Variants in MGAT4C observed in about 807,000 individuals in gnomAD.
MGAT4C encodes the protein alpha-1,3-mannosyl-glycoprotein 4-beta-N-acetylglucosaminyltransferase C.
In MGAT4C, 19 loss-of-function variants were observed where a neutral mutation model predicts 40.1. The observed-to-expected ratio is 0.47, with a 90% confidence interval of 0.33 to 0.70. The LOEUF (loss-of-function observed/expected upper bound fraction) is 0.70. Ranked by LOEUF, MGAT4C falls within the 30% of genes least tolerant of loss-of-function variation. MGAT4C has a pLI of 0.02. For missense variants in MGAT4C, 491 were observed against 563.2 expected (o/e 0.87, Z 1.30); for synonymous variants, 181 against 187.1 (o/e 0.97, Z 0.27).
intron 1 of MGAT4C, among the ~76,000 whole-genome samples, chr12:86,187,569 C>A (rs2135889193): frequency 6.8e-6 from 1 of 147,910 alleles, no homozygotes; most frequent in Admixed American, 6.7e-5. Flanking sequence ...ATAAATCTTT[C>A]CTTTTAGATT....
chr12:86,539,384 A>G (rs1157687696), intron 2 of MGAT4C, among the ~76,000 whole-genome samples: 2 of 152,214 alleles, frequency 1.3e-5, no homozygotes, highest in East Asian at 1.9e-4. Flanking sequence ...ATAGTATTCC[A>G]TGGTGTACAT....
intron 1 of MGAT4C, among the ~76,000 whole-genome samples, chr12:86,834,171 G>GATAGATATAGAT (rs63091261): frequency 1.4e-5 from 2 of 147,194 alleles, no homozygotes; most frequent in Non-Finnish European, 3.0e-5. Flanking sequence ...GATAGAGATA[G>GATAGATATAGAT]ATAGATATAG....
intron 4 of MGAT4C, among the ~76,000 whole-genome samples, chr12:86,274,684 T>C (rs1953025999): frequency 2.6e-5 from 4 of 152,208 alleles, no homozygotes; most frequent in Non-Finnish European, 4.4e-5. Context: ...AAGTAGTATT[T>C]AATAGAAGAA....
chr12:86,701,786 T>G (rs1362223351), intron 2 of MGAT4C, among the ~76,000 whole-genome samples: 1 of 152,052 alleles, frequency 6.6e-6, no homozygotes, highest in African/African-American at 2.4e-5. Flanking sequence ...GTAAAACTTT[T>G]TGAAGGGAAT....
At chr12:86,144,212 G>A (rs546797215) in intron 1 of MGAT4C, among the ~76,000 whole-genome samples, 1 of 152,230 alleles carries the variant, frequency 6.6e-6, no homozygotes, top group African/African-American at 2.4e-5. Flanking sequence ...CCCATATCAA[G>A]CCTTAAAATT....
chr12:86,777,317 T>G (rs1951763503), intron 1 of MGAT4C, among the ~76,000 whole-genome samples: 1 of 152,236 alleles, frequency 6.6e-6, no homozygotes, highest in Non-Finnish European at 1.5e-5. Flanking sequence ...ATAATTTTTC[T>G]GATATATTCT....
chr12:86,366,015 C>A (rs919835213), intron 3 of MGAT4C, among the ~76,000 whole-genome samples: 1 of 152,128 alleles, frequency 6.6e-6, no homozygotes, highest in African/African-American at 2.4e-5. Flanking sequence ...TCTTCCAATC[C>A]ATGAGCATGA....
chr12:86,180,981 C>T (rs1888054730), intron 1 of MGAT4C, among the ~76,000 whole-genome samples: 1 of 152,134 alleles, frequency 6.6e-6, no homozygotes, highest in African/African-American at 2.4e-5. Flanking sequence ...CAAGTCTCAA[C>T]TTGAATTTTT....
In MGAT4C at chr12:86,376,836, G is replaced by C. The variant is rs1397942810; in HGVS notation, c.-119-42709C>G. Reference sequence around the variant, plus strand: ...AGAGAGACAGAGAGAGAGAGAGAGAGAGAGAGACAGAGAGAGAGAGAGAGA... The same window carrying C: ...AGAGAGACAGAGAGAGAGAGAGAGACAGAGAGACAGAGAGAGAGAGAGAGA... On this transcript the variant is annotated intron_variant, in intron 3 of 7. Coordinates refer to the MGAT4C transcript ENST00000548651. Among the ~76,000 whole-genome samples, 89 of 102,950 alleles carry C rather than the reference G, an allele frequency of 8.6e-4. 1 individual carries two copies. The highest frequency in any genetic ancestry group is 2.3e-3 in the African/African-American group (77 of 32,778). The allele number at this position is 102,950 out of a possible 152,430, so 67.5% of individuals were successfully genotyped here.
At chr12:86,548,621 G>C (rs760424063) in intron 2 of MGAT4C, among the ~76,000 whole-genome samples, 4 of 152,138 alleles carry the variant, frequency 2.6e-5, no homozygotes, top group Non-Finnish European at 5.9e-5. Flanking sequence ...AAAGAATAGA[G>C]TAGTGATTAA....
chr12:86,601,283 C>G (rs1488505165), intron 2 of MGAT4C: 1 of 152,190 alleles, frequency 6.6e-6, no homozygotes, highest in Non-Finnish European at 1.5e-5. Flanking sequence ...CGGATGGAGA[C>G]CACAACCGGG....
At chr12:86,267,680 A>C (rs1395675214) in intron 4 of MGAT4C, among the ~76,000 whole-genome samples, 1 of 152,170 alleles carries the variant, frequency 6.6e-6, no homozygotes, top group African/African-American at 2.4e-5. Flanking sequence ...CGTTATAAAA[A>C]TATCTGAAGT....
chr12:86,449,193 T>G (rs1957386032), intron 2 of MGAT4C, among the ~76,000 whole-genome samples: 1 of 152,182 alleles, frequency 6.6e-6, no homozygotes, highest in African/African-American at 2.4e-5. Flanking sequence ...ATCAATAATT[T>G]TCAGTTATAA....
rs1462862037 is a variant in MGAT4C at position 86,191,128 on chromosome 12, CACACA to C, written c.-57+65106_-57+65110del. Among the ~76,000 whole-genome samples the C allele has an allele frequency of 4.2e-3, 584 of 137,480 alleles. 1 individual carries two copies. The highest frequency in any genetic ancestry group is 6.3e-3 in the Admixed American group (87 of 13,720). The allele number at this position is 137,480 out of a possible 152,430, so 90.2% of individuals were successfully genotyped here. ...ACACACACACACACACACACACACA[CACACA>C]CCCCTATAGGGTCTGTTTCTCTAAA... On this transcript the variant is annotated intron_variant, in intron 1 of 4. Transcript: ENST00000611864.
Position 86,390,414 on chromosome 12 carries a change from A to G in MGAT4C, c.-120+44743T>C, listed in dbSNP as rs1008357540. Among the ~76,000 whole-genome samples, 3 of 152,316 alleles carry G rather than the reference A, an allele frequency of 2.0e-5. No homozygotes were observed. In the East Asian group the frequency reaches 5.8e-4, roughly 29 times the overall value. ...GTATATCACTGTTGGATAGAGACTT[A>G]GTAACTGAAATCTAGTCTGGGAAAA... On this transcript the variant is annotated intron_variant, in intron 3 of 7. Transcript: ENST00000548651.
intron 2 of MGAT4C, among the ~76,000 whole-genome samples, chr12:86,563,430 G>T (rs1395486332): frequency 6.6e-6 from 1 of 152,168 alleles, no homozygotes. Context: ...TACAGAATTT[G>T]TATAAGCAGA....
chr12:86,085,286 T>C (rs911745177), intron 1 of MGAT4C, among the ~76,000 whole-genome samples: 4 of 152,154 alleles, frequency 2.6e-5, no homozygotes, highest in Non-Finnish European at 5.9e-5. Flanking sequence ...CCCATGCCTA[T>C]GTCCTGAACA....
chr12:86,027,230 G>T (rs760584995), intron 2 of MGAT4C, among the ~76,000 whole-genome samples: 1 of 151,834 alleles, frequency 6.6e-6, no homozygotes, highest in Non-Finnish European at 1.5e-5. Flanking sequence ...TATTTTCCTG[G>T]CTGTTGGCTC....
At chr12:86,774,915 A>G (rs917582484) in intron 1 of MGAT4C, among the ~76,000 whole-genome samples, 5 of 152,208 alleles carry the variant, frequency 3.3e-5, no homozygotes, top group African/African-American at 1.2e-4. Context: ...AATTTAAAAG[A>G]GAACTATCTG....
Sources: gnomAD v4.1 joint callset for allele counts (sites outside exome capture counted in the v4.1 genomes callset) on GRCh38, gnomAD v4.1.1 for gene constraint, MANE v1.5 for transcripts, NCBI Gene and HGNC (gene_info 2026-07-23, HGNC 2026-07-21) for gene names.